TSGA10: variants seen among roughly 807,000 people sequenced by gnomAD.
The protein encoded by TSGA10 is testis specific 10, also known as testis-specific gene 10 protein.
Under a neutral mutation model 96.6 loss-of-function variants are expected in TSGA10, and 43 were observed. The observed-to-expected ratio is 0.44, with a 90% confidence interval of 0.35 to 0.57. TSGA10 has a LOEUF of 0.57. Ranked by LOEUF, TSGA10 falls within the 20% of genes least tolerant of loss-of-function variation. TSGA10 has a pLI of 0.01. For missense variants in TSGA10, 703 were observed against 834.4 expected, an observed-to-expected ratio of 0.84 and a Z score of 1.94; for synonymous variants, 229 against 269.9, an observed-to-expected ratio of 0.85 and a Z score of 1.48.
In TSGA10 at chr2:99,143,180, C is replaced by T. The variant is rs1311114465; in HGVS notation, c.-621+11513G>A. ...TTTTTGAGACAGAGTCTCACTCTGT[C>T]GCCCAGGCTGGAGTGCAGTGGCACG... On this transcript the variant is annotated intron_variant, in intron 1 of 20. Transcript: ENST00000393483. 2.9e-4 allele frequency among the ~76,000 whole-genome samples: 40 copies of T among 135,708 alleles called. No individual in the cohort carries two copies. The South Asian group carries it at 8.6e-3, about 29-fold the overall frequency. 89.0% of individuals were successfully genotyped at this position (135,708 alleles called of 152,430 possible). A position where few individuals can be genotyped will look rare whatever the true frequency, so the allele number is the denominator to read the frequency against.
intron 10 of TSGA10, among the ~76,000 whole-genome samples, chr2:99,096,426 TG>T (rs899431014): frequency 3.3e-5 from 5 of 152,264 alleles, no homozygotes; most frequent in Admixed American, 2.6e-4. Flanking sequence ...TCACGTCTAC[TG>T]GGCTGCCTTC....
intron 4 of TSGA10, among the ~76,000 whole-genome samples, chr2:99,111,827 A>C: frequency 6.6e-6 from 1 of 152,148 alleles, no homozygotes; most frequent in East Asian, 1.9e-4. Flanking sequence ...ATACAGGTCT[A>C]CTCTGAATGT....
chr2:99,074,235 A>G (rs1262197859), intron 12 of TSGA10, among the ~76,000 whole-genome samples: 2 of 151,554 alleles, frequency 1.3e-5, no homozygotes, highest in African/African-American at 4.8e-5. Flanking sequence ...GCTGGTCTCA[A>G]ACTCCTGACT....
chr2:99,018,673 TA>T, intron 18 of TSGA10, 33 bp from the exon 19 acceptor site: 2 of 1,559,100 alleles, frequency 1.3e-6, no homozygotes, highest in Non-Finnish European at 1.7e-6. Flanking sequence ...TATAGTTGAC[TA>T]AACTTAAAAT....
Position 99,071,745 on chromosome 2 carries a change from A to T in TSGA10, c.1068T>A (p.Asn356Lys). The change falls in exon 14 of 21, where the codon AAT becomes AAA. Residue 356 changes from asparagine to lysine, a missense_variant. Transcript: ENST00000393483. ...TAGCTTTAGCAAACTGTTCCTGGAGATTGTCATTGTCATGAGCCAAGATAT... is the reference window on the plus strand; with the variant it reads ...TAGCTTTAGCAAACTGTTCCTGGAGTTTGTCATTGTCATGAGCCAAGATAT... ...ERDILAHDNDNLQEQFAKAKQ... is the reference protein window; with the variant it reads ...ERDILAHDNDKLQEQFAKAKQ... 2 of 1,613,758 alleles carry T rather than the reference A, an allele frequency of 1.2e-6. No homozygotes were observed. Among genetic ancestry groups the T allele is most frequent in the Non-Finnish European group, 1.7e-6 (2 of 1,179,852 alleles).
At chr2:99,117,076 C>T (rs1202896534) in intron 4 of TSGA10, 1 of 152,194 alleles carries the variant, frequency 6.6e-6, no homozygotes, top group Non-Finnish European at 1.5e-5. Flanking sequence ...GCAGATACCT[C>T]TGTGACATAC....
rs560586460 is a variant in TSGA10, at chr2:99,061,989, C to T, written c.1404+2950G>A. 2.6e-5 allele frequency among the ~76,000 whole-genome samples: 4 copies of T among 152,086 alleles called. No homozygotes were observed. The East Asian group carries it at 7.7e-4, about 29-fold the overall frequency. On this transcript the variant is annotated intron_variant, in intron 16 of 20. Transcript: ENST00000393483. ...ACATTTGCAGACCAAGGAGAGAAGC[C>T]CCAGAAGAAACCAAACCTTCCGGCA... is the stretch of plus-strand genomic sequence containing the variant.
At position 99,000,325 on chromosome 2, in the gene TSGA10, T is replaced by G. The variant is rs528909916; in HGVS notation, c.2073-2104A>C. Among the ~76,000 whole-genome samples the G allele has an allele frequency of 2.2e-4, 32 of 146,612 alleles. No individual in the cohort carries two copies. The East Asian group carries it at 5.7e-3, about 26-fold the overall frequency. ...GAGTTCGAGACCACCCTGCCCAACA[T>G]GGCAAACCCCGTCTCTACTGAAAAA... On this transcript the variant is annotated intron_variant, in intron 20 of 20. Coordinates refer to ENST00000393483, the MANE Select transcript of TSGA10 (RefSeq NM_025244.4).
At chr2:99,065,166 T>C (rs1489183666) in intron 15 of TSGA10, 42 bp from the exon 16 acceptor site, 5 of 1,580,596 alleles carry the variant, frequency 3.2e-6, no homozygotes, top group Non-Finnish European at 4.3e-6. Flanking sequence ...ATGCTGAACA[T>C]ATGATAAAAA....
At chr2:99,038,251 A>T (rs970098248) in intron 16 of TSGA10, among the ~76,000 whole-genome samples, 1 of 152,164 alleles carries the variant, frequency 6.6e-6, no homozygotes, top group African/African-American at 2.4e-5. Context: ...CAATTAAAGA[A>T]AAACAAAGTA....
At chr2:99,006,224 T>C (rs1429810817) in intron 20 of TSGA10, among the ~76,000 whole-genome samples, 4 of 152,188 alleles carry the variant, frequency 2.6e-5, no homozygotes, top group Non-Finnish European at 5.9e-5. Context: ...GTTCAGGACA[T>C]AGGCATGGGC....
Position 99,046,538 on chromosome 2 carries a change from C to G in TSGA10, c.1405-11099G>C, listed in dbSNP as rs554631375. Among the ~76,000 whole-genome samples, 5 of 152,228 alleles carry G rather than the reference C, an allele frequency of 3.3e-5. No homozygotes were observed. In the East Asian group the frequency reaches 9.6e-4, roughly 29 times the overall value. ...TTTGAAACCAATGAGAACAAAGACA[C>G]AACATACTAGAATCTCTGGGACACA... is the stretch of plus-strand genomic sequence containing the variant. On this transcript the variant is annotated intron_variant, in intron 16 of 20. Coordinates refer to ENST00000393483, the MANE Select transcript of TSGA10 (RefSeq NM_025244.4).
At chr2:99,102,540 G>A (rs2090889165) in intron 10 of TSGA10, 1 of 1,614,132 alleles carries the variant, frequency 6.2e-7, no homozygotes, top group Non-Finnish European at 8.5e-7. Context: ...GATTGACCAG[G>A]CTCTGGATGC....
At chr2:99,135,360 C>T (rs1324078280) in intron 1 of TSGA10, among the ~76,000 whole-genome samples, 2 of 152,238 alleles carry the variant, frequency 1.3e-5, no homozygotes, top group Admixed American at 6.5e-5. Flanking sequence ...GTTCGAACTT[C>T]CCACCAGCTT....
At chr2:99,147,365 C>A in intron 1 of TSGA10, 1 of 1,100,472 alleles carries the variant, frequency 9.1e-7, no homozygotes, top group Non-Finnish European at 1.4e-6. Flanking sequence ...ATTGATTTAT[C>A]TCTTTATGTA....
At chr2:99,039,249 C>A (rs1488600283) in intron 16 of TSGA10, among the ~76,000 whole-genome samples, 1 of 149,330 alleles carries the variant, frequency 6.7e-6, no homozygotes, top group Non-Finnish European at 1.5e-5. Flanking sequence ...AAACCAAACT[C>A]AAACCCCGCA....
Position 99,040,507 on chromosome 2 carries a change from C to CAAAAACA in TSGA10, c.1405-5075_1405-5069dup, listed in dbSNP as rs1021041586. ...AAGAACTCAACTCCTTTTACAATAGCAAAAACAAAAAACAAAAAACAAAAA... is the reference window on the plus strand; with the variant it reads ...AAGAACTCAACTCCTTTTACAATAGCAAAAACAAAAAACAAAAAACAAAAAACAAAAA... On this transcript the variant is annotated intron_variant, in intron 16 of 20. Transcript: ENST00000393483. Among the ~76,000 whole-genome samples the CAAAAACA allele has an allele frequency of 2.0e-5, 3 of 151,782 alleles. No individual in the cohort carries two copies. In the South Asian group the frequency reaches 6.2e-4, roughly 32 times the overall value.
In TSGA10 at chr2:99,150,687, C is replaced by T. The variant is rs769349584; in HGVS notation, c.-621+4006G>A. 2.5e-6 allele frequency: 4 copies of T among 1,614,000 alleles called. 1 individual carries two copies. Among genetic ancestry groups the T allele is most frequent in the Non-Finnish European group, 8.5e-7 (1 of 1,179,964 alleles). The stretch of plus-strand genomic sequence containing the variant: ...AACCAGCGACTCAGTTATTTCAAAA[C>T]ACCAAGAAAATAAGATTAGAAGACA... On this transcript the variant is annotated intron_variant, in intron 1 of 20. Coordinates refer to ENST00000393483, the MANE Select transcript of TSGA10 (RefSeq NM_025244.4).
At chr2:99,020,814 G>T (rs901138542) in intron 17 of TSGA10, among the ~76,000 whole-genome samples, 2 of 151,876 alleles carry the variant, frequency 1.3e-5, no homozygotes, top group African/African-American at 2.4e-5. Context: ...GCACTGCTTT[G>T]TCCTGAGTTA....
Sources: allele counts gnomAD v4.1 joint callset (sites outside exome capture counted in the v4.1 genomes callset), GRCh38; gene constraint gnomAD v4.1.1; transcripts MANE v1.5; gene names NCBI Gene and HGNC (gene_info 2026-07-23, HGNC 2026-07-21).